Variants in SLC71A2 observed in about 807,000 individuals in gnomAD.
SLC71A2 encodes hippocampus abundant transcript-like 1.
chr9:94,401,201 C>T, the SLC71A2 span, among the ~76,000 whole-genome samples: 2 of 151,852 alleles, frequency 1.3e-5, no homozygotes, highest in African/African-American at 4.8e-5. Context: ...AACGGAGTCT[C>T]ACTCTGTCAC....
At chr9:94,452,566 C>T in the SLC71A2 span, among the ~76,000 whole-genome samples, 1 of 150,994 alleles carries the variant, frequency 6.6e-6, no homozygotes, top group Non-Finnish European at 1.5e-5. Context: ...CACTGCACTC[C>T]AGCCTAGGTG....
chr9:94,398,422 G>A, the SLC71A2 span, among the ~76,000 whole-genome samples: 25 of 152,018 alleles, frequency 1.6e-4, no homozygotes, highest in African/African-American at 5.8e-4. Flanking sequence ...TACCTTCTAA[G>A]TTATATGTCT....
chr9:94,436,305 A>G, the SLC71A2 span, among the ~76,000 whole-genome samples: 4 of 152,204 alleles, frequency 2.6e-5, no homozygotes, highest in Admixed American at 1.3e-4. Context: ...ATTTCTCCAG[A>G]GGAATTTTCT....
the SLC71A2 span, among the ~76,000 whole-genome samples, chr9:94,416,125 G>A: frequency 1.3e-5 from 2 of 152,106 alleles, no homozygotes; most frequent in Admixed American, 1.3e-4. Context: ...AAGATGACGG[G>A]GGCAGATATT....
the SLC71A2 span, among the ~76,000 whole-genome samples, chr9:94,386,313 T>C: frequency 2.7e-5 from 4 of 149,496 alleles, no homozygotes; most frequent in Non-Finnish European, 6.0e-5. Flanking sequence ...AGTTATCTTA[T>C]TAGGCACATT....
chr9:94,420,591 A>G, the SLC71A2 span, among the ~76,000 whole-genome samples: 1 of 151,184 alleles, frequency 6.6e-6, no homozygotes, highest in East Asian at 1.9e-4. Context: ...TTGGGTTTAT[A>G]ATACTTTTTT....
At chr9:94,459,503 A>G in the SLC71A2 span, 1 of 1,396,932 alleles carries the variant, frequency 7.2e-7, no homozygotes, top group Non-Finnish European at 9.8e-7. Flanking sequence ...TGGATGGGAG[A>G]CGCTAGCGGC....
At chr9:94,381,644 G>A in the SLC71A2 span, among the ~76,000 whole-genome samples, 8 of 152,262 alleles carry the variant, frequency 5.3e-5, no homozygotes, top group East Asian at 1.5e-3. Flanking sequence ...GGAGTGAAAT[G>A]GCTGGGTCAT....
chr9:94,382,123 C>T, the SLC71A2 span, among the ~76,000 whole-genome samples: 5 of 150,132 alleles, frequency 3.3e-5, no homozygotes, highest in African/African-American at 1.0e-4. Flanking sequence ...ACCTCCTGGG[C>T]GCAGGTAATT....
the SLC71A2 span, among the ~76,000 whole-genome samples, chr9:94,380,206 G>A: frequency 6.6e-6 from 1 of 152,218 alleles, no homozygotes; most frequent in South Asian, 2.1e-4. Context: ...GGTGGACCAC[G>A]CTTGCAGTGA....
At chr9:94,444,394 C>T in the SLC71A2 span, among the ~76,000 whole-genome samples, 3 of 152,200 alleles carry the variant, frequency 2.0e-5, no homozygotes, top group South Asian at 6.2e-4. Flanking sequence ...TCAACAAATT[C>T]TTTGTTGTTG....
chr9:94,446,989 G>C, the SLC71A2 span: 1 of 906,048 alleles, frequency 1.1e-6, no homozygotes, highest in Non-Finnish European at 1.8e-6. Context: ...CAAAGATGGA[G>C]ATTTGTCTAA....
the SLC71A2 span, among the ~76,000 whole-genome samples, chr9:94,440,737 C>A: frequency 2.6e-5 from 4 of 152,018 alleles, no homozygotes; most frequent in African/African-American, 7.2e-5. Flanking sequence ...TCCCCTTATT[C>A]TTTGTTTTTC....
the SLC71A2 span, among the ~76,000 whole-genome samples, chr9:94,436,784 T>A: frequency 3.3e-5 from 5 of 152,200 alleles, no homozygotes; most frequent in Non-Finnish European, 5.9e-5. Flanking sequence ...TCTTTCCAAT[T>A]ATGTGAACGT....
At chr9:94,459,908 C>T in the SLC71A2 span, 6 of 155,414 alleles carry the variant, frequency 3.9e-5, no homozygotes, top group Non-Finnish European at 8.6e-5. Context: ...CTTAAAGAGT[C>T]ACTCAGTATC....
chr9:94,456,962 TCCCCCCA>T, the SLC71A2 span, among the ~76,000 whole-genome samples: 2 of 50,232 alleles, frequency 4.0e-5, no homozygotes, highest in Admixed American at 2.3e-4. Flanking sequence ...CCACCCTTCC[TCCCCCCA>T]CCCCCCACCT....
the SLC71A2 span, among the ~76,000 whole-genome samples, chr9:94,454,359 C>G: frequency 6.6e-6 from 1 of 152,030 alleles, no homozygotes; most frequent in Non-Finnish European, 1.5e-5. Flanking sequence ...CTTTTTAAAG[C>G]ATATGCCAAT....
the SLC71A2 span, among the ~76,000 whole-genome samples, chr9:94,377,860 A>C: frequency 6.6e-6 from 1 of 152,258 alleles, no homozygotes; most frequent in East Asian, 1.9e-4. Context: ...TAATCCCAGC[A>C]CTTTGGGAGG....
chr9:94,444,840 G>T, the SLC71A2 span: 3 of 777,290 alleles, frequency 3.9e-6, no homozygotes, highest in Non-Finnish European at 6.6e-6. Context: ...ATGCACCTGT[G>T]GGACCCTGGT....
Sources: gnomAD v4.1 joint callset for allele counts (sites outside exome capture counted in the v4.1 genomes callset) on GRCh38, gnomAD v4.1.1 for gene constraint, MANE v1.5 for transcripts, NCBI Gene and HGNC (gene_info 2026-07-23, HGNC 2026-07-21) for gene names.